Variants in PCDHA12 observed in about 807,000 individuals in gnomAD.
PCDHA12 encodes protocadherin alpha-12.
A neutral mutation model predicts 60.0 loss-of-function variants in PCDHA12; 44 were observed. The observed-to-expected ratio is 0.73, with a 90% confidence interval of 0.58 to 0.94. The LOEUF is 0.94. PCDHA12 is among the 40% of genes least tolerant of loss of function. The probability of loss-of-function intolerance (pLI) is 0.00; values close to 1 mark genes in which losing one functional copy is unlikely to be tolerated. For synonymous variants in PCDHA12, 569 were observed against 553.0 expected, an observed-to-expected ratio of 1.03 and a Z score of -0.40; for missense variants, 1,276 against 1,239.7, an observed-to-expected ratio of 1.03 and a Z score of -0.44.
intron 1 of PCDHA12, among the ~76,000 whole-genome samples, chr5:140,910,929 A>G (rs2075237197): frequency 6.6e-6 from 1 of 152,176 alleles, no homozygotes; most frequent in Admixed American, 6.5e-5. Flanking sequence ...TATAAATAAG[A>G]AAGCTCAAGC....
chr5:140,893,954 T>C (rs115606551), intron 1 of PCDHA12, among the ~76,000 whole-genome samples: 1,862 of 152,344 alleles, frequency 0.012, 45 homozygotes, highest in African/African-American at 0.042. Flanking sequence ...CATGACTTTA[T>C]TAGTCATTAG....
Position 140,982,486 on chromosome 5 carries a change from T to C in PCDHA12, c.2438T>C (p.Leu813Pro). ...LRAGMHSSVH[L>P]EEAGILRAGP... Reference sequence around the variant, plus strand: ...GTGTGTTTATTCAGCTCTGTGCACCTAGAGGAGGCTGGCATTCTACGGGCT... The same window carrying C: ...GTGTGTTTATTCAGCTCTGTGCACCCAGAGGAGGCTGGCATTCTACGGGCT... Residue 813 changes from leucine to proline, a missense_variant, in exon 3 of 4, where the codon CTA (leucine) becomes CCA (proline). Physicochemically the swap from Leu to Pro is moderately conservative, Grantham distance 98. Coordinates refer to ENST00000398631, the MANE Select transcript of PCDHA12 (RefSeq NM_018903.4). The C allele has an allele frequency of 6.2e-7, 1 of 1,614,180 alleles. No individual in the cohort carries two copies. Among genetic ancestry groups the C allele is most frequent in the South Asian group, 1.1e-5 (1 of 91,086 alleles).
chr5:140,928,709 C>T (rs1563108337), intron 1 of PCDHA12: 1 of 1,614,180 alleles, frequency 6.2e-7, no homozygotes, highest in Non-Finnish European at 8.5e-7. Context: ...GCGTCTGACT[C>T]TAGTCTCTTT....
chr5:140,909,255 C>G (rs1583695279), intron 1 of PCDHA12, among the ~76,000 whole-genome samples: 1 of 152,210 alleles, frequency 6.6e-6, no homozygotes, highest in African/African-American at 2.4e-5. Context: ...GCTGGCCTTG[C>G]TGACTGAAGG....
At chr5:140,912,174 A>G (rs2075803513) in intron 1 of PCDHA12, among the ~76,000 whole-genome samples, 1 of 152,166 alleles carries the variant, frequency 6.6e-6, no homozygotes, top group Non-Finnish European at 1.5e-5. Flanking sequence ...CTGTGCTGGC[A>G]GCTGATTAGA....
intron 1 of PCDHA12, among the ~76,000 whole-genome samples, chr5:140,965,126 A>C (rs540121719): frequency 7.9e-5 from 12 of 152,372 alleles, no homozygotes; most frequent in African/African-American, 2.6e-4. Flanking sequence ...GAAGATCTAC[A>C]GATGACAGAA....
chr5:140,980,878 G>A (rs528577692), intron 2 of PCDHA12, among the ~76,000 whole-genome samples: 6 of 152,118 alleles, frequency 3.9e-5, no homozygotes, highest in East Asian at 1.9e-4. Context: ...GGGTGTTCTC[G>A]GTCTTTCCAG....
intron 1 of PCDHA12, among the ~76,000 whole-genome samples, chr5:140,957,202 A>G (rs75358038): frequency 1.8e-4 from 28 of 152,316 alleles, no homozygotes; most frequent in Non-Finnish European, 2.9e-4. Flanking sequence ...TGGGAATATA[A>G]ATAGGCACAA....
intron 1 of PCDHA12, among the ~76,000 whole-genome samples, chr5:140,878,898 G>A (rs2057763490): frequency 6.6e-6 from 1 of 152,154 alleles, no homozygotes; most frequent in South Asian, 2.1e-4. Flanking sequence ...ACTACAGGCA[G>A]GCTCCACCAC....
At chr5:140,928,739 G>A in intron 1 of PCDHA12, 1 of 1,614,148 alleles carries the variant, frequency 6.2e-7, no homozygotes, top group African/African-American at 1.3e-5. Flanking sequence ...GCCAATATAG[G>A]TGAGCTCCGT....
At chr5:140,951,276 T>C (rs1554219829) in intron 1 of PCDHA12, among the ~76,000 whole-genome samples, 1 of 152,200 alleles carries the variant, frequency 6.6e-6, no homozygotes, top group African/African-American at 2.4e-5. Context: ...CTATGTTAGG[T>C]AATTTTGGAT....
At chr5:140,963,237 G>A (rs782735845) in intron 1 of PCDHA12, among the ~76,000 whole-genome samples, 50 of 152,136 alleles carry the variant, frequency 3.3e-4, no homozygotes, top group Non-Finnish European at 6.2e-4. Flanking sequence ...CTGTTTGATG[G>A]ATTAGGTAGG....
chr5:140,982,413 G>A, intron 2 of PCDHA12, 62 bp from the exon 3 acceptor site: 2 of 1,609,608 alleles, frequency 1.2e-6, no homozygotes, highest in Non-Finnish European at 1.7e-6. Flanking sequence ...TTCTGAGGGT[G>A]GAAGAAGAGA....
In PCDHA12 at chr5:141,011,794, G is replaced by A. The variant is rs782200485; in HGVS notation, c.*1857G>A. 2 of 153,664 alleles carry A rather than the reference G, an allele frequency of 1.3e-5. No individual in the cohort carries two copies. The highest frequency in any genetic ancestry group is 2.9e-5 in the Non-Finnish European group (2 of 68,028). The allele number at this position is 153,664 out of a possible 1,614,324, so 9.5% of individuals were successfully genotyped here. ...ATGCTTTGAAATTCTAATGGTATCT[G>A]AAATATCAGCTCATAGAAAGTAACA... On this transcript the variant is annotated 3_prime_UTR_variant, in exon 4 of 4. Coordinates refer to ENST00000398631, the MANE Select transcript of PCDHA12 (RefSeq NM_018903.4).
chr5:140,909,010 G>C (rs2074261521), intron 1 of PCDHA12, among the ~76,000 whole-genome samples: 1 of 152,120 alleles, frequency 6.6e-6, no homozygotes, highest in South Asian at 2.1e-4. Flanking sequence ...GAGGTAGAAG[G>C]TTCCTGAATT....
chr5:140,926,812 G>T (rs908940607), intron 1 of PCDHA12: 28 of 1,458,972 alleles, frequency 1.9e-5, no homozygotes, highest in African/African-American at 2.8e-5. Flanking sequence ...CCCGCGGCTC[G>T]TGCTCTCCAG....
intron 1 of PCDHA12, chr5:140,883,717 C>A (rs926863988): frequency 6.2e-7 from 1 of 1,613,614 alleles, no homozygotes. Context: ...AGGACGCGGA[C>A]GCACAGGAGA....
At chr5:140,985,690 C>G (rs752184454) in intron 3 of PCDHA12, among the ~76,000 whole-genome samples, 1 of 151,742 alleles carries the variant, frequency 6.6e-6, no homozygotes, top group Admixed American at 6.6e-5. Flanking sequence ...TACGCTAATC[C>G]TCGTTCATAT....
intron 1 of PCDHA12, among the ~76,000 whole-genome samples, chr5:140,944,030 A>G (rs1272534224): frequency 1.3e-5 from 2 of 152,214 alleles, no homozygotes; most frequent in East Asian, 1.9e-4. Context: ...TCTTCAAAAT[A>G]TGGAAAACCA....
Sources: allele counts gnomAD v4.1 joint callset (sites outside exome capture counted in the v4.1 genomes callset), GRCh38; gene constraint gnomAD v4.1.1; transcripts MANE v1.5; gene names NCBI Gene and HGNC (gene_info 2026-07-23, HGNC 2026-07-21).